Variants in TRIQK observed in about 807,000 individuals in gnomAD.
TRIQK encodes the protein triple QxxK/R motif containing, also known as triple QxxK/R motif-containing protein.
TRIQK carries 10 observed loss-of-function variants against 10.8 expected under a neutral mutation model. The ratio of observed to expected loss-of-function variants is 0.92; its 90% CI spans 0.57 to 1.57. The LOEUF (loss-of-function observed/expected upper bound fraction) is 1.57, where lower values mean the gene tolerates loss of function less well. Among genes scored for constraint, TRIQK ranks in the 40% most tolerant of loss-of-function variants. TRIQK has a pLI of 0.00. For missense variants in TRIQK, 107 were observed against 97.7 expected, an observed-to-expected ratio of 1.09 and a Z score of -0.40; for synonymous variants, 33 against 33.7, an observed-to-expected ratio of 0.98 and a Z score of 0.07.
chr8:92,905,792 A>G (rs1809222179), intron 3 of TRIQK, among the ~76,000 whole-genome samples: 1 of 152,174 alleles, frequency 6.6e-6, no homozygotes, highest in Admixed American at 6.5e-5. Flanking sequence ...GTATGAATAA[A>G]AGAAAAGTGT....
At chr8:92,914,794 G>GA (rs1486929772) in intron 3 of TRIQK, among the ~76,000 whole-genome samples, 1 of 151,926 alleles carries the variant, frequency 6.6e-6, no homozygotes, top group African/African-American at 2.4e-5. Flanking sequence ...AGTAGAAATG[G>GA]AAAAAAATAG....
At chr8:92,901,427 C>G (rs1356674057) in intron 3 of TRIQK, among the ~76,000 whole-genome samples, 3 of 151,942 alleles carry the variant, frequency 2.0e-5, no homozygotes, top group African/African-American at 7.3e-5. Flanking sequence ...CCTTCTATAC[C>G]CAGTTTTTTT....
rs531854206 is a variant in TRIQK at position 92,938,942 on chromosome 8, T to G, written c.-22+15464A>C. ...AACTGATTACATTTTTTGCTGGTAG[T>G]TCCACCAAATCTATCATTTATAGAT... On this transcript the variant is annotated intron_variant, in intron 2 of 4. Coordinates refer to ENST00000521988, the MANE Select transcript of TRIQK (RefSeq NM_001171797.2). Among the ~76,000 whole-genome samples, 7 of 152,342 alleles carry G rather than the reference T, an allele frequency of 4.6e-5. No homozygotes were observed. The East Asian group carries it at 1.4e-3, about 29-fold the overall frequency.
chr8:92,933,508 G>T (rs1175088642), intron 2 of TRIQK, among the ~76,000 whole-genome samples: 1 of 152,042 alleles, frequency 6.6e-6, no homozygotes, highest in Non-Finnish European at 1.5e-5. Flanking sequence ...CAAGGAAAAT[G>T]AGACTGTGCT....
chr8:92,962,042 A>G (rs1158310855), intron 1 of TRIQK, among the ~76,000 whole-genome samples: 1 of 152,196 alleles, frequency 6.6e-6, no homozygotes, highest in African/African-American at 2.4e-5. Context: ...TTTTTCATGG[A>G]AACATACACC....
intron 1 of TRIQK, among the ~76,000 whole-genome samples, chr8:92,957,517 T>C (rs1338294049): frequency 6.6e-6 from 1 of 151,868 alleles, no homozygotes; most frequent in East Asian, 1.9e-4. Flanking sequence ...TCAGTTAAAT[T>C]TTACAAAGGC....
At chr8:92,908,667 G>T (rs1156715268) in intron 3 of TRIQK, among the ~76,000 whole-genome samples, 1 of 151,960 alleles carries the variant, frequency 6.6e-6, no homozygotes. Context: ...TCTGATCTCT[G>T]TAACAAAGAT....
At chr8:92,896,550 GTGAGAGC>G (rs1220046426) in intron 3 of TRIQK, among the ~76,000 whole-genome samples, 1 of 152,164 alleles carries the variant, frequency 6.6e-6, no homozygotes, top group Non-Finnish European at 1.5e-5. Context: ...ACTCCAACCT[GTGAGAGC>G]TGCTGGGTGG....
intron 2 of TRIQK, among the ~76,000 whole-genome samples, chr8:92,935,540 A>G (rs1033876494): frequency 1.3e-5 from 2 of 151,642 alleles, no homozygotes; most frequent in Non-Finnish European, 3.0e-5. Context: ...AAAATAATGA[A>G]CCAAAAAGGA....
At chr8:92,972,346 C>A (rs1812884544) in intron 1 of TRIQK, among the ~76,000 whole-genome samples, 1 of 151,940 alleles carries the variant, frequency 6.6e-6, no homozygotes, top group African/African-American at 2.4e-5. Flanking sequence ...TTTATACTTT[C>A]CTTTTTTTAT....
chr8:92,983,561 G>A (rs1813005666), intron 1 of TRIQK, among the ~76,000 whole-genome samples: 1 of 152,136 alleles, frequency 6.6e-6, no homozygotes, highest in African/African-American at 2.4e-5. Context: ...TAAGAATAAA[G>A]AATCACATGG....
chr8:92,914,667 G>A (rs956929311), intron 3 of TRIQK, among the ~76,000 whole-genome samples: 12 of 152,108 alleles, frequency 7.9e-5, no homozygotes, highest in Admixed American at 5.9e-4. Context: ...AATTATCAGA[G>A]AAGTGCTAAT....
At chr8:92,997,021 G>A (rs11774345) in intron 1 of TRIQK, among the ~76,000 whole-genome samples, 29,362 of 151,870 alleles carry the variant, frequency 0.19, 3,159 homozygotes, top group African/African-American at 0.29. Context: ...AAGGTGACTA[G>A]AAAATTTATG....
At chr8:92,992,756 G>A (rs1278659722) in intron 1 of TRIQK, among the ~76,000 whole-genome samples, 1 of 152,156 alleles carries the variant, frequency 6.6e-6, no homozygotes, top group African/African-American at 2.4e-5. Flanking sequence ...GGGGTCTGCT[G>A]AAAGCTGAGA....
At chr8:92,913,144 G>A (rs1283091879) in intron 3 of TRIQK, among the ~76,000 whole-genome samples, 1 of 152,028 alleles carries the variant, frequency 6.6e-6, no homozygotes, top group Non-Finnish European at 1.5e-5. Flanking sequence ...CTATAAGGAT[G>A]GTTCAACACA....
chr8:93,006,890 C>T (rs73697008), intron 1 of TRIQK, among the ~76,000 whole-genome samples: 217 of 152,298 alleles, frequency 1.4e-3, no homozygotes, highest in African/African-American at 5.0e-3. Context: ...GGGGTGGCCA[C>T]GGTCTCTGTG....
At chr8:92,996,325 T>C (rs1477913455) in intron 1 of TRIQK, among the ~76,000 whole-genome samples, 1 of 152,078 alleles carries the variant, frequency 6.6e-6, no homozygotes, top group African/African-American at 2.4e-5. Flanking sequence ...AATGTTCTCA[T>C]GGCATTTTAA....
chr8:92,892,568 A>C (rs1340704114), intron 3 of TRIQK, among the ~76,000 whole-genome samples: 2 of 151,952 alleles, frequency 1.3e-5, no homozygotes, highest in African/African-American at 4.8e-5. Context: ...ATCTATAAAT[A>C]TTTAACTTTT....
chr8:92,906,153 A>G (rs1325731460), intron 3 of TRIQK, among the ~76,000 whole-genome samples: 1 of 152,184 alleles, frequency 6.6e-6, no homozygotes, highest in Non-Finnish European at 1.5e-5. Context: ...TATTTTGTTC[A>G]GTTTACCTGG....
Sources: gnomAD v4.1 joint callset for allele counts (sites outside exome capture counted in the v4.1 genomes callset) on GRCh38, gnomAD v4.1.1 for gene constraint, MANE v1.5 for transcripts, NCBI Gene and HGNC (gene_info 2026-07-23, HGNC 2026-07-21) for gene names.